HMGN1: variants seen among roughly 807,000 people sequenced by gnomAD.
HMGN1 encodes the protein non-histone chromosomal protein HMG-14.
HMGN1 carries 9 observed loss-of-function variants against 18.4 expected under a neutral mutation model. The observed-to-expected ratio is 0.49, with a 90% CI of 0.29 to 0.85. HMGN1 has a LOEUF of 0.85. HMGN1 is among the 40% of genes least tolerant of loss of function. The pLI, the probability that HMGN1 is intolerant of heterozygous loss-of-function variation, is 0.07. For missense variants in HMGN1, 151 were observed against 119.2 expected (o/e 1.27, Z -1.24); for synonymous variants, 59 against 45.0 (o/e 1.31, Z -1.24).
At position 39,343,169 on chromosome 21, in the gene HMGN1, A is replaced by G; in HGVS notation, c.256-10T>C. On this transcript the variant is annotated splice_polypyrimidine_tract_variant and intron_variant, in intron 5 of 5. Coordinates refer to ENST00000380749, the MANE Select transcript of HMGN1 (RefSeq NM_004965.7). ...CATCAGAGGCTGGACTCTGCAAAAG[A>G]AAGGAAATTGAGATCTTTAGCATTT... The G allele has an allele frequency of 4.4e-6, 7 of 1,589,866 alleles. No homozygotes were observed. Among genetic ancestry groups the G allele is most frequent in the Non-Finnish European group, 6.0e-6 (7 of 1,167,160 alleles).
intron 4 of HMGN1, 180 bp from the exon 5 acceptor site, chr21:39,345,454 G>A (rs573652080): frequency 1.6e-6 from 1 of 630,046 alleles, no homozygotes; most frequent in African/African-American, 1.8e-5. Context: ...GCTTATGAAA[G>A]GATCTCATTT....
At chr21:39,348,804 G>A in intron 1 of HMGN1, 99 bp downstream of exon 1, 2 of 1,070,290 alleles carry the variant, frequency 1.9e-6, no homozygotes, top group East Asian at 3.8e-5. Context: ...TCCCGGGCCC[G>A]TCGCCACCGT....
chr21:39,348,345 A>G lies in HMGN1; in HGVS notation c.79-6T>C, dbSNP rs773230259. ...TCCACTTTTGCAGGAGGTTTCTGAA[A>G]GGCAAAAGCAGCACTGAGCGTCCTC... On this transcript the variant is annotated splice_region_variant and splice_polypyrimidine_tract_variant and intron_variant, in intron 3 of 5. Coordinates refer to ENST00000380749, the MANE Select transcript of HMGN1 (RefSeq NM_004965.7). The G allele has an allele frequency of 3.7e-6, 6 of 1,614,178 alleles. No homozygotes were observed. In the South Asian group the frequency reaches 5.5e-5, roughly 15 times the overall value.
rs752999833 is a variant in HMGN1 at position 39,345,253 on chromosome 21, C to G, written c.148G>C (p.Val50Leu). The change falls in exon 5 of 6, where the codon GTG becomes CTG. Residue 50 changes from valine (V) to leucine (L), a missense_variant. Transcript: ENST00000380749. ...AAKDKSSDKKVQTKGKRGAKG... is the reference protein window; with the variant it reads ...AAKDKSSDKKLQTKGKRGAKG... The stretch of plus-strand genomic sequence containing the variant: ...GCTCCCCTTTTCCCTTTTGTTTGCA[C>G]TTTTTTGTCTGAAGATTTATCCTAT... The G allele has an allele frequency of 1.9e-5, 31 of 1,613,212 alleles. No homozygotes were observed. The East Asian group carries it at 6.7e-4, about 35-fold the overall frequency.
chr21:39,347,017 A>T (rs2037077886), intron 4 of HMGN1: 1 of 152,378 alleles, frequency 6.6e-6, no homozygotes, highest in Admixed American at 6.6e-5. Context: ...AGAAAAATGT[A>T]AAGAGGGAAA....
At chr21:39,345,490 G>A (rs2037019510) in intron 4 of HMGN1, 1 of 585,134 alleles carries the variant, frequency 1.7e-6, no homozygotes, top group Admixed American at 3.0e-5. Context: ...CATAACAGCT[G>A]TCATATTAAT....
chr21:39,348,149 TGCCTCGACCA>T, intron 4 of HMGN1, 133 bp downstream of exon 4: 1 of 1,070,972 alleles, frequency 9.3e-7, no homozygotes, highest in Admixed American at 2.4e-5. Flanking sequence ...ATTACATTTT[TGCCTCGACCA>T]CTAGAAAAAT....
chr21:39,344,200 G>A (rs889864411), intron 5 of HMGN1, among the ~76,000 whole-genome samples: 1 of 142,128 alleles, frequency 7.0e-6, no homozygotes, highest in Non-Finnish European at 1.5e-5. Context: ...AGGATGCAGT[G>A]AGCCAAGATC....
chr21:39,347,420 C>A (rs1351172472), intron 4 of HMGN1: 13 of 1,277,506 alleles, frequency 1.0e-5, no homozygotes, highest in Non-Finnish European at 1.3e-5. Context: ...TCCAACAACT[C>A]CTCAATGTCA....
In HMGN1 at chr21:39,348,919, G is replaced by T. The variant is rs1328721707; in HGVS notation, c.-2C>A. Reference sequence around the variant, plus strand: ...GCCGCTCACCTTCCTCTTGGGCATCGTGGCGGCGGGGAAGGCGCGTGCCGG... The same window carrying T: ...GCCGCTCACCTTCCTCTTGGGCATCTTGGCGGCGGGGAAGGCGCGTGCCGG... On this transcript the variant is annotated 5_prime_UTR_variant, in exon 1 of 6. Coordinates refer to ENST00000380749, the MANE Select transcript of HMGN1 (RefSeq NM_004965.7). The T allele has an allele frequency of 5.9e-6, 7 of 1,191,818 alleles. No homozygotes were observed. In the African/African-American group the frequency reaches 9.6e-5, roughly 16 times the overall value. 73.8% of individuals were successfully genotyped at this position (1,191,818 alleles called of 1,614,324 possible).
intron 5 of HMGN1, 76 bp from the exon 6 acceptor site, chr21:39,343,235 T>TA (rs1295582332): frequency 2.1e-6 from 3 of 1,398,780 alleles, no homozygotes; most frequent in Non-Finnish European, 3.0e-6. Context: ...ATCAGGTCTT[T>TA]AAAAAAGTCA....
rs34613278 is a variant in HMGN1 at position 39,348,568 on chromosome 21, C to T, written c.25G>A (p.Ala9Thr). The T allele has an allele frequency of 0.071, 113,371 of 1,598,966 alleles. 4,449 individuals are homozygous for T. The highest frequency in any genetic ancestry group is 0.15 in the Middle Eastern group (892 of 5,814). Residue 9 changes from alanine to threonine, a missense_variant, in exon 2 of 6, where the codon GCC becomes ACC. Coordinates refer to ENST00000380749, the MANE Select transcript of HMGN1 (RefSeq NM_004965.7). ...ACCTCTTCCTTGGCGGCGCCTTCGG[C>T]GGAGCTGACCTGCGGAGACGGAGAC... MPKRKVSS[A>T]EGAAKEEPKR...
chr21:39,346,271 T>C (rs995357067), intron 4 of HMGN1: 4 of 282,744 alleles, frequency 1.4e-5, no homozygotes, highest in Non-Finnish European at 2.8e-5. Flanking sequence ...TCTGTACTAA[T>C]AGTAGGATTC....
Position 39,348,061 on chromosome 21 carries a change from T to C in HMGN1, c.126+231A>G, listed in dbSNP as rs13050336. ...CCTTTGTAGACTTAATATTTAATAT[T>C]TTTTGTCGTCCTAAGTCTCCTAACA... On this transcript the variant is annotated intron_variant, in intron 4 of 5. Coordinates refer to ENST00000380749, the MANE Select transcript of HMGN1 (RefSeq NM_004965.7). The C allele has an allele frequency of 5.0e-6, 5 of 1,004,620 alleles. No homozygotes were observed. The South Asian group carries it at 7.7e-5, about 15-fold the overall frequency. 62.2% of individuals were successfully genotyped at this position (1,004,620 alleles called of 1,614,324 possible). A position where few individuals can be genotyped will look rare whatever the true frequency, so the allele number is the denominator to read the frequency against.
chr21:39,348,918 C>T lies in HMGN1; in HGVS notation c.-1G>A. On this transcript the variant is annotated 5_prime_UTR_variant, in exon 1 of 6. Transcript: ENST00000380749. Reference sequence around the variant, plus strand: ...CGCCGCTCACCTTCCTCTTGGGCATCGTGGCGGCGGGGAAGGCGCGTGCCG... The same window carrying T: ...CGCCGCTCACCTTCCTCTTGGGCATTGTGGCGGCGGGGAAGGCGCGTGCCG... The T allele has an allele frequency of 8.5e-7, 1 of 1,180,246 alleles. No homozygotes were observed. The highest frequency in any genetic ancestry group is 1.0e-6 in the Non-Finnish European group (1 of 958,270). 73.1% of individuals were successfully genotyped at this position (1,180,246 alleles called of 1,614,324 possible). A position where few individuals can be genotyped will look rare whatever the true frequency, so the allele number is the denominator to read the frequency against.
intron 5 of HMGN1, among the ~76,000 whole-genome samples, chr21:39,343,513 T>G (rs1401714005): frequency 6.6e-6 from 1 of 152,212 alleles, no homozygotes; most frequent in East Asian, 1.9e-4. Flanking sequence ...TACTGATGAT[T>G]TTGTTGTTTA....
chr21:39,345,322 T>C (rs2037012763), intron 4 of HMGN1, 48 bp from the exon 5 acceptor site: 2 of 1,566,216 alleles, frequency 1.3e-6, no homozygotes, highest in Non-Finnish European at 1.8e-6. Context: ...TACTCCTTAT[T>C]TACATTTTGT....
chr21:39,345,841 C>G lies in HMGN1; in HGVS notation c.127-567G>C. 2 of 1,301,658 alleles carry G rather than the reference C, an allele frequency of 1.5e-6. 1 individual carries two copies. Among genetic ancestry groups the G allele is most frequent in the South Asian group, 2.5e-5 (2 of 81,024 alleles). The allele number at this position is 1,301,658 out of a possible 1,614,324, so 80.6% of individuals were successfully genotyped here. A position where few individuals can be genotyped will look rare whatever the true frequency, so the allele number is the denominator to read the frequency against. On this transcript the variant is annotated intron_variant, in intron 4 of 5. Coordinates refer to ENST00000380749, the MANE Select transcript of HMGN1 (RefSeq NM_004965.7). Reference sequence around the variant, plus strand: ...TTAAGACCAATCACCTGAAAAAAAGCACCATGCCGTACGGTCAGGTTGACT... The same window carrying G: ...TTAAGACCAATCACCTGAAAAAAAGGACCATGCCGTACGGTCAGGTTGACT...
chr21:39,348,375 G>C, intron 3 of HMGN1, 36 bp from the exon 4 acceptor site: 1 of 1,614,130 alleles, frequency 6.2e-7, no homozygotes, highest in South Asian at 1.1e-5. Flanking sequence ...GTCCTCACCC[G>C]GGACGACCCG....
Sources: gnomAD v4.1 joint callset for allele counts (sites outside exome capture counted in the v4.1 genomes callset) on GRCh38, gnomAD v4.1.1 for gene constraint, MANE v1.5 for transcripts, NCBI Gene and HGNC (gene_info 2026-07-23, HGNC 2026-07-21) for gene names.